The following DZIP1L variants were observed in gnomAD, a reference collection of about 807,000 sequenced individuals.
DZIP1L encodes DAZ interacting zinc finger protein 1 like, also known as cilium assembly protein DZIP1L.
DZIP1L carries 90 observed loss-of-function variants against 88.7 expected under a neutral mutation model. The observed-to-expected ratio is 1.02, with a 90% CI of 0.86 to 1.21. The LOEUF is 1.21. DZIP1L is among the 50% of genes most tolerant of loss of function. The pLI, the probability that DZIP1L is intolerant of heterozygous loss-of-function variation, is 0.00. For missense variants in DZIP1L, 932 were observed against 955.8 expected (o/e 0.98, Z 0.33); for synonymous variants, 363 against 372.1 (o/e 0.98, Z 0.28).
At chr3:138,077,264 T>C (rs1273773142) in intron 11 of DZIP1L, among the ~76,000 whole-genome samples, 1 of 152,034 alleles carries the variant, frequency 6.6e-6, no homozygotes, top group African/African-American at 2.4e-5. Context: ...GGACTCAGGG[T>C]AGTATCGCCA....
chr3:138,110,954 A>AAT (rs2042609422), intron 1 of DZIP1L, among the ~76,000 whole-genome samples: 1 of 152,194 alleles, frequency 6.6e-6, no homozygotes, highest in Non-Finnish European at 1.5e-5. Flanking sequence ...GAGACAGAAA[A>AAT]ATACACAGAA....
chr3:138,068,257 T>G lies in DZIP1L; in HGVS notation c.1726A>C (p.Ser576Arg), dbSNP rs746208976. 1.5e-5 allele frequency: 24 copies of G among 1,597,176 alleles called. No individual in the cohort carries two copies. The highest frequency in any genetic ancestry group is 2.0e-5 in the Non-Finnish European group (23 of 1,171,454). ...PAEPPPPTRQ[S>R]HGSHGSSLTQ... ...AGGCTGGAGCCATGGCTGCCATGGC[T>G]CTGACGAGTTGGTGGGGGTGGCTCT... is the stretch of plus-strand genomic sequence containing the variant. The change falls in exon 13 of 16, where the codon AGC (serine) becomes CGC (arginine). Residue 576 changes from serine to arginine, a missense_variant. Physicochemically the swap from Ser to Arg is moderately radical, Grantham distance 110. Transcript: ENST00000327532.
At chr3:138,106,722 C>G (rs1245241374) in intron 1 of DZIP1L, among the ~76,000 whole-genome samples, 1 of 152,034 alleles carries the variant, frequency 6.6e-6, no homozygotes, top group African/African-American at 2.4e-5. Context: ...GTCCCAGCTA[C>G]TCGGGAGGCT....
intron 2 of DZIP1L, among the ~76,000 whole-genome samples, 188 bp downstream of exon 2, chr3:138,103,283 T>A (rs1235307473): frequency 6.6e-6 from 1 of 151,694 alleles, no homozygotes; most frequent in East Asian, 1.9e-4. Context: ...ACACACACAC[T>A]GTAGAACCTA....
rs1442522015 is a variant in DZIP1L, at chr3:138,084,168, G to T, written c.1148C>A (p.Thr383Asn). The T allele has an allele frequency of 6.2e-7, 1 of 1,614,086 alleles. No individual in the cohort carries two copies. The highest frequency in any genetic ancestry group is 8.5e-7 in the Non-Finnish European group (1 of 1,180,034). The change falls in exon 8 of 16, where the codon ACC (threonine) becomes AAC (asparagine). Residue 383 changes from threonine to asparagine, a missense_variant. Physicochemically the swap from Thr to Asn is moderately conservative, Grantham distance 65. Coordinates refer to ENST00000327532, the MANE Select transcript of DZIP1L (RefSeq NM_173543.3). ...AAAQSQCQIS[T>N]LRAQLQEQAR... Reference sequence around the variant, plus strand: ...TTGTTCCTGCAGCTGGGCACGGAGGGTGCTGATCTGGCACTGGGACTGGGC... The same window carrying T: ...TTGTTCCTGCAGCTGGGCACGGAGGTTGCTGATCTGGCACTGGGACTGGGC...
chr3:138,067,068 G>A (rs552791975), intron 14 of DZIP1L, among the ~76,000 whole-genome samples: 1 of 152,150 alleles, frequency 6.6e-6, no homozygotes, highest in Non-Finnish European at 1.5e-5. Flanking sequence ...ATTTGGGGAG[G>A]CTGGAGGGGC....
chr3:138,065,920 T>C (rs567421474), intron 14 of DZIP1L, among the ~76,000 whole-genome samples: 1 of 152,324 alleles, frequency 6.6e-6, no homozygotes, highest in South Asian at 2.1e-4. Flanking sequence ...GCTCAACTAG[T>C]CATTGCAACC....
chr3:138,078,651 A>T (rs1456578339), intron 10 of DZIP1L, among the ~76,000 whole-genome samples: 1 of 152,162 alleles, frequency 6.6e-6, no homozygotes, highest in Non-Finnish European at 1.5e-5. Context: ...CTCCAAATCT[A>T]CTGCATCAAA....
chr3:138,072,109 G>A (rs983290681), intron 11 of DZIP1L, among the ~76,000 whole-genome samples: 2 of 152,200 alleles, frequency 1.3e-5, no homozygotes, highest in African/African-American at 2.4e-5. Flanking sequence ...CCACATCATA[G>A]CATAAGGGAC....
intron 9 of DZIP1L, 32 bp from the exon 10 acceptor site, chr3:138,080,652 G>A: frequency 6.2e-7 from 1 of 1,610,668 alleles, no homozygotes; most frequent in Non-Finnish European, 8.5e-7. Flanking sequence ...AGTGGCACCA[G>A]TGCTCTGGAC....
chr3:138,101,104 C>T (rs191423741), intron 2 of DZIP1L, among the ~76,000 whole-genome samples: 2 of 152,102 alleles, frequency 1.3e-5, no homozygotes, highest in African/African-American at 4.8e-5. Flanking sequence ...TATAAATACA[C>T]CCTTAGACAC....
chr3:138,102,414 C>T, intron 2 of DZIP1L: 1 of 1,394,094 alleles, frequency 7.2e-7, no homozygotes, highest in Non-Finnish European at 1.0e-6. Flanking sequence ...CCAGCCCCTG[C>T]ATGTTGCCAA....
intron 5 of DZIP1L, among the ~76,000 whole-genome samples, chr3:138,092,081 G>A (rs752334730): frequency 9.9e-5 from 15 of 152,192 alleles, no homozygotes; most frequent in East Asian, 3.9e-4. Context: ...ACTACATGCT[G>A]GATAATGTTA....
At chr3:138,100,607 A>C (rs549277238) in intron 2 of DZIP1L, among the ~76,000 whole-genome samples, 118 of 152,306 alleles carry the variant, frequency 7.7e-4, no homozygotes, top group African/African-American at 2.6e-3. Flanking sequence ...ATCTGATGCT[A>C]ACTCCAGGTA....
At chr3:138,067,809 G>T in intron 13 of DZIP1L, 109 bp from the exon 14 acceptor site, 2 of 1,288,050 alleles carry the variant, frequency 1.6e-6, no homozygotes, top group Non-Finnish European at 1.0e-6. Context: ...GGCCAGCCCT[G>T]CTCCCTCCCT....
chr3:138,071,870 G>A (rs774561615), intron 11 of DZIP1L, 35 bp from the exon 12 acceptor site: 17 of 1,574,906 alleles, frequency 1.1e-5, no homozygotes, highest in Non-Finnish European at 1.5e-5. Context: ...TACAGAGAGA[G>A]GCTACCCTTC....
chr3:138,103,728 C>T lies in DZIP1L; in HGVS notation c.244G>A (p.Ala82Thr), dbSNP rs2107847762. 9.3e-6 allele frequency: 15 copies of T among 1,613,640 alleles called. No homozygotes were observed. Among genetic ancestry groups the T allele is most frequent in the Non-Finnish European group, 1.3e-5 (15 of 1,180,030 alleles). The change falls in exon 2 of 16, where the codon GCA becomes ACA. Residue 82 changes from alanine (A) to threonine (T), a missense_variant. Ala to Thr is a moderately conservative substitution (Grantham distance 58, BLOSUM62 0). Transcript: ENST00000327532. Reference sequence around the variant, plus strand: ...GCCAGGCGCAGCACCTTGAGCAGTGCCGGGTCCACAGGCTGCCCACAGCGG... The same window carrying T: ...GCCAGGCGCAGCACCTTGAGCAGTGTCGGGTCCACAGGCTGCCCACAGCGG... ...CSRCGQPVDP[A>T]LLKVLRLAQL... is the part of the protein sequence containing the mutation.
chr3:138,090,882 A>G (rs1201450150), intron 5 of DZIP1L, among the ~76,000 whole-genome samples: 4 of 151,630 alleles, frequency 2.6e-5, no homozygotes, highest in Non-Finnish European at 5.9e-5. Context: ...TGGTCAAGGG[A>G]TAACTTTTTT....
intron 5 of DZIP1L, 173 bp downstream of exon 5, chr3:138,092,210 T>C: frequency 4.7e-6 from 3 of 633,514 alleles, no homozygotes; most frequent in Non-Finnish European, 7.3e-6. Flanking sequence ...ACAGCAGTGA[T>C]TCAACCCCAA....
Sources: allele counts gnomAD v4.1 joint callset (sites outside exome capture counted in the v4.1 genomes callset), GRCh38; gene constraint gnomAD v4.1.1; transcripts MANE v1.5; gene names NCBI Gene and HGNC (gene_info 2026-07-23, HGNC 2026-07-21).